The following PCDHGA1 variants were observed in gnomAD, a reference collection of about 807,000 sequenced individuals.
The protein encoded by PCDHGA1 is protocadherin gamma subfamily A, 1, also known as protocadherin gamma-A1.
PCDHGA1 carries 32 observed loss-of-function variants against 58.0 expected under a neutral mutation model. The ratio of observed to expected loss-of-function variants is 0.55; its 90% CI spans 0.42 to 0.74. The LOEUF is 0.74. PCDHGA1 is among the 30% of genes least tolerant of loss of function. The pLI is 0.00. For missense variants in PCDHGA1, 1,205 were observed against 1,182.3 expected, an observed-to-expected ratio of 1.02 and a Z score of -0.28; for synonymous variants, 498 against 501.1, an observed-to-expected ratio of 0.99 and a Z score of 0.08.
At chr5:141,464,263 TAA>T (rs35224477) in intron 1 of PCDHGA1, among the ~76,000 whole-genome samples, 15 of 103,552 alleles carry the variant, frequency 1.4e-4, no homozygotes, top group Admixed American at 3.2e-4. Context: ...AGACTCCGTC[TAA>T]AAAAAAAAAA....
chr5:141,369,800 C>T lies in PCDHGA1; in HGVS notation c.2421+36695C>T, dbSNP rs192992906. 3.3e-3 allele frequency among the ~76,000 whole-genome samples: 501 copies of T among 152,282 alleles called. 3 individuals are homozygous for T. Among genetic ancestry groups the T allele is most frequent in the Non-Finnish European group, 5.3e-3 (361 of 68,024 alleles). ...AAGCCTCTTTATACTACGTCTTCTG[C>T]CATCACCAAAAATAGCTTCCATTTG... On this transcript the variant is annotated intron_variant, in intron 1 of 3. Transcript: ENST00000517417.
intron 1 of PCDHGA1, among the ~76,000 whole-genome samples, chr5:141,439,380 G>C (rs1324859898): frequency 6.6e-6 from 1 of 152,158 alleles, no homozygotes; most frequent in East Asian, 1.9e-4. Flanking sequence ...ATAAAAATAA[G>C]TCATCACTTC....
At position 141,502,487 on chromosome 5, in the gene PCDHGA1, C is replaced by T. The variant is rs563658817; in HGVS notation, c.2481-2906C>T. ...TACTTCCCGCAGCATCACACTGGGACTCATCTAACGTCGGCCTGTCCCACT... is the reference window on the plus strand; with the variant it reads ...TACTTCCCGCAGCATCACACTGGGATTCATCTAACGTCGGCCTGTCCCACT... On this transcript the variant is annotated intron_variant, in intron 2 of 3. Coordinates refer to ENST00000517417, the MANE Select transcript of PCDHGA1 (RefSeq NM_018912.3). Among the ~76,000 whole-genome samples, 92 of 152,298 alleles carry T rather than the reference C, an allele frequency of 6.0e-4. 3 individuals are homozygous for T. The highest frequency in any genetic ancestry group is 1.5e-4 in the Non-Finnish European group (10 of 68,030).
At chr5:141,344,281 G>A (rs745884101) in intron 1 of PCDHGA1, 4 of 1,614,090 alleles carry the variant, frequency 2.5e-6, no homozygotes, top group Non-Finnish European at 3.4e-6. Context: ...CAAAGCGGCA[G>A]CTTGGTCACC....
At position 141,476,946 on chromosome 5, in the gene PCDHGA1, G is replaced by A; in HGVS notation, c.2422-17861G>A. ...ACGGATCTGGATGAAGGCCCCAACG[G>A]TGAAATTATTTACTCCTTCGGCAGC... On this transcript the variant is annotated intron_variant, in intron 1 of 3. Transcript: ENST00000517417. The surrounding 1 kb of genome is among the most constrained non-coding windows in gnomAD (Gnocchi z 7.6). The A allele has an allele frequency of 6.2e-7, 1 of 1,614,206 alleles. No individual in the cohort carries two copies. Among genetic ancestry groups the A allele is most frequent in the Non-Finnish European group, 8.5e-7 (1 of 1,180,044 alleles).
At chr5:141,366,023 C>T (rs762756042) in intron 1 of PCDHGA1, 4 of 1,614,122 alleles carry the variant, frequency 2.5e-6, no homozygotes, top group Non-Finnish European at 1.7e-6. Flanking sequence ...GATCCTGTAC[C>T]CCGCCCTCCC....
At chr5:141,396,015 T>C (rs1243437259) in intron 1 of PCDHGA1, 1 of 152,252 alleles carries the variant, frequency 6.6e-6, no homozygotes, top group South Asian at 2.1e-4. Context: ...AAAGTGACTT[T>C]TGTAAAATAT....
At chr5:141,461,082 T>C (rs2099008648) in intron 1 of PCDHGA1, among the ~76,000 whole-genome samples, 1 of 152,070 alleles carries the variant, frequency 6.6e-6, no homozygotes, top group South Asian at 2.1e-4. Flanking sequence ...AATTGTGAAT[T>C]GTGCTGCTAT....
At chr5:141,464,400 G>GAGATATATATATATCTATATATAT (rs2099082782) in intron 1 of PCDHGA1, among the ~76,000 whole-genome samples, 3 of 151,366 alleles carry the variant, frequency 2.0e-5, no homozygotes, top group African/African-American at 4.9e-5. Context: ...TGAAGAACCT[G>GAGATATATATATATCTATATATAT]AGATATATAT....
intron 1 of PCDHGA1, chr5:141,404,343 A>G (rs2094516679): frequency 3.1e-6 from 5 of 1,613,902 alleles, no homozygotes; most frequent in Non-Finnish European, 4.2e-6. Flanking sequence ...CTCCCGGAAA[A>G]CAACGCCAGA....
chr5:141,392,878 C>G, intron 1 of PCDHGA1: 2 of 1,613,474 alleles, frequency 1.2e-6, no homozygotes, highest in Non-Finnish European at 1.7e-6. Context: ...CTGCTGGGAA[C>G]GCTGTGGGAA....
chr5:141,465,056 G>A (rs908104635), intron 1 of PCDHGA1, among the ~76,000 whole-genome samples: 9 of 151,044 alleles, frequency 6.0e-5, no homozygotes, highest in Non-Finnish European at 1.3e-4. Context: ...ATATTTTTTT[G>A]AATTGTCTGT....
intron 1 of PCDHGA1, chr5:141,360,898 G>T: frequency 6.2e-7 from 1 of 1,614,040 alleles, no homozygotes; most frequent in South Asian, 1.1e-5. Context: ...GAGGGAGGAC[G>T]TGCCGCCGGG....
In PCDHGA1 at chr5:141,403,920, A is replaced by T. The variant is rs1470961343; in HGVS notation, c.2421+70815A>T. 8.1e-6 allele frequency: 13 copies of T among 1,613,904 alleles called. No homozygotes were observed. Among genetic ancestry groups the T allele is most frequent in the Non-Finnish European group, 1.1e-5 (13 of 1,179,882 alleles). On this transcript the variant is annotated intron_variant, in intron 1 of 3. Transcript: ENST00000517417. ...TATGAAATGGAAATACAAGCTGAAG[A>T]TGGTGGGGGATTGAAAGGGTGGACA...
At chr5:141,421,966 G>A in intron 1 of PCDHGA1, 1 of 1,610,918 alleles carries the variant, frequency 6.2e-7, no homozygotes, top group Non-Finnish European at 8.5e-7. Flanking sequence ...TACACAGTCC[G>A]TATATCGCGT....
Position 141,422,340 on chromosome 5 carries a change from T to C in PCDHGA1, c.2422-72467T>C, listed in dbSNP as rs776306472. ...CAGGTACAGTGATTGCTCTTCTAAA[T>C]GTGCAAGATCAAGATTCTGGAGAAA... On this transcript the variant is annotated intron_variant, in intron 1 of 3. Transcript: ENST00000517417. 2.6e-6 allele frequency: 4 copies of C among 1,550,190 alleles called. 1 individual carries two copies. Among genetic ancestry groups the C allele is most frequent in the Non-Finnish European group, 3.5e-6 (4 of 1,154,238 alleles).
At chr5:141,400,789 CTT>C in intron 1 of PCDHGA1, 1 of 561,962 alleles carries the variant, frequency 1.8e-6, no homozygotes, top group Non-Finnish European at 3.1e-6. Flanking sequence ...TTTTTGTCCT[CTT>C]TCTCAAAGCT....
intron 1 of PCDHGA1, among the ~76,000 whole-genome samples, chr5:141,445,156 GT>G (rs1248104914): frequency 6.6e-6 from 1 of 152,018 alleles, no homozygotes; most frequent in Non-Finnish European, 1.5e-5. Flanking sequence ...TTCATTTCTA[GT>G]TTACAGAAAA....
chr5:141,353,686 G>A (rs933691588), intron 1 of PCDHGA1, among the ~76,000 whole-genome samples: 3 of 152,112 alleles, frequency 2.0e-5, no homozygotes, highest in African/African-American at 7.2e-5. Context: ...GGTTTATAAA[G>A]CGTTTTCCAT....
Sources: gnomAD v4.1 joint callset for allele counts (sites outside exome capture counted in the v4.1 genomes callset) on GRCh38, gnomAD v4.1.1 for gene constraint, Gnocchi (gnomAD v3.1) non-coding constraint, MANE v1.5 for transcripts, NCBI Gene and HGNC (gene_info 2026-07-23, HGNC 2026-07-21) for gene names.